The following WDFY3 variants were observed in gnomAD, a reference collection of about 807,000 sequenced individuals.
WDFY3 encodes WD repeat and FYVE domain containing 3.
WDFY3 carries 66 observed loss-of-function variants against 409.6 expected under a neutral mutation model. That is an observed-to-expected ratio of 0.16 (90% CI 0.13 to 0.20). The LOEUF (loss-of-function observed/expected upper bound fraction) is 0.20, where lower values mean the gene tolerates loss of function less well. Ranked by LOEUF, WDFY3 falls within the 10% of genes least tolerant of loss-of-function variation. The probability of loss-of-function intolerance (pLI) is 1.00; values close to 1 mark genes in which losing one functional copy is unlikely to be tolerated. For synonymous variants in WDFY3, 1,521 were observed against 1,537.1 expected (o/e 0.99, Z 0.25); for missense variants, 3,031 against 4,298.1 (o/e 0.71, Z 8.24).
chr4:84,951,565 A>G (rs1161820352), intron 1 of WDFY3, among the ~76,000 whole-genome samples: 1 of 152,228 alleles, frequency 6.6e-6, no homozygotes, highest in Non-Finnish European at 1.5e-5. Flanking sequence ...ATATATATCT[A>G]TATCTCAACA....
In WDFY3 at chr4:84,803,309, C is replaced by T. The variant is rs1388156272; in HGVS notation, c.2588G>A (p.Gly863Glu). The T allele has an allele frequency of 6.2e-7, 1 of 1,609,724 alleles. No homozygotes were observed. The highest frequency in any genetic ancestry group is 8.5e-7 in the Non-Finnish European group (1 of 1,178,664). The change falls in exon 16 of 68, where the codon GGG (glycine) becomes GAG (glutamate). Residue 863 changes from glycine to glutamate, a missense_variant. Gly to Glu is a moderately conservative substitution (Grantham distance 98). Transcript: ENST00000295888. ...GCTTACTTCTGGCTGTGTCACTGAC[C>T]CAACAGAGGCCAGTAGGTCCAGCAT... is the stretch of plus-strand genomic sequence containing the variant. Reference protein sequence around the residue: ...LAMLDLLASVGSVTQPEHALD... With the variant: ...LAMLDLLASVESVTQPEHALD...
At chr4:84,843,744 A>G (rs1164375568) in intron 5 of WDFY3, among the ~76,000 whole-genome samples, 1 of 152,162 alleles carries the variant, frequency 6.6e-6, no homozygotes, top group Non-Finnish European at 1.5e-5. Context: ...AGCTCATTTT[A>G]AAAGTATATA....
rs527822621 is a variant in WDFY3 at position 84,750,426 on chromosome 4, G to A, written c.5973+1057C>T. Among the ~76,000 whole-genome samples the A allele has an allele frequency of 4.0e-5, 6 of 151,548 alleles. No individual in the cohort carries two copies. The East Asian group carries it at 1.2e-3, about 30-fold the overall frequency. On this transcript the variant is annotated intron_variant, in intron 36 of 67. Transcript: ENST00000295888. ...AATAAGATAAACATGTGGTTTTCAGGTTTCTATTTATAAGTTAACTGTACT... is the reference window on the plus strand; with the variant it reads ...AATAAGATAAACATGTGGTTTTCAGATTTCTATTTATAAGTTAACTGTACT...
intron 3 of WDFY3, among the ~76,000 whole-genome samples, chr4:84,879,177 T>A (rs1390097781): frequency 6.6e-6 from 1 of 152,192 alleles, no homozygotes; most frequent in African/African-American, 2.4e-5. Flanking sequence ...CATCCCATGC[T>A]CATACCACAT....
chr4:84,704,413 G>A lies in WDFY3; in HGVS notation c.8367C>T (p.His2789=). Residue 2789 remains histidine (H), a synonymous_variant, in exon 55 of 68, where the codon CAC becomes CAT. Coordinates refer to ENST00000295888, the MANE Select transcript of WDFY3 (RefSeq NM_014991.6). ...GETPAYHYGT[H]YSSAMIVASY... ...AGGCCACAATCATTGCAGATGAATA[G>A]TGGGTCCCATAGTGGTATGCAGGAG... 6.2e-7 allele frequency: 1 copy of A among 1,613,086 alleles called. No homozygotes were observed. The highest frequency in any genetic ancestry group is 8.5e-7 in the Non-Finnish European group (1 of 1,179,528).
chr4:84,731,630 G>A (rs1006114637), intron 44 of WDFY3, among the ~76,000 whole-genome samples: 2 of 152,106 alleles, frequency 1.3e-5, no homozygotes, highest in African/African-American at 2.4e-5. Context: ...TGTCTGTTTC[G>A]ATTTCACAGG....
chr4:84,811,980 G>C (rs188341161), intron 13 of WDFY3, among the ~76,000 whole-genome samples: 1 of 152,068 alleles, frequency 6.6e-6, no homozygotes, highest in Non-Finnish European at 1.5e-5. Flanking sequence ...CATGAGGTCA[G>C]GTGTGGAATT....
intron 32 of WDFY3, among the ~76,000 whole-genome samples, chr4:84,762,268 G>A (rs1354707370): frequency 1.3e-5 from 2 of 151,784 alleles, no homozygotes; most frequent in Non-Finnish European, 2.9e-5. Context: ...ATACACCATA[G>A]AATACTATGC....
chr4:84,883,071 G>C (rs1050946081), intron 3 of WDFY3, among the ~76,000 whole-genome samples: 1 of 152,106 alleles, frequency 6.6e-6, no homozygotes, highest in Admixed American at 6.6e-5. Context: ...ATATTCTCAT[G>C]GCTGGGGGAA....
At chr4:84,844,120 C>T (rs775691926) in intron 5 of WDFY3, among the ~76,000 whole-genome samples, 10 of 152,094 alleles carry the variant, frequency 6.6e-5, no homozygotes, top group Non-Finnish European at 1.3e-4. Flanking sequence ...ATCTTAAATG[C>T]AATTTCTCAG....
chr4:84,690,695 T>G, intron 60 of WDFY3, 31 bp from the exon 61 acceptor site: 3 of 1,587,314 alleles, frequency 1.9e-6, no homozygotes, highest in Non-Finnish European at 2.6e-6. Context: ...GAGACACACA[T>G]GCCGTTAAGT....
Position 84,726,870 on chromosome 4 carries a change from A to G in WDFY3, c.7263T>C (p.Ile2421=). The G allele has an allele frequency of 1.9e-6, 3 of 1,607,944 alleles. No individual in the cohort carries two copies. Among genetic ancestry groups the G allele is most frequent in the Non-Finnish European group, 2.5e-6 (3 of 1,178,062 alleles). Residue 2421 remains isoleucine, a synonymous_variant, in exon 45 of 68, where the codon ATT becomes ATC. Transcript: ENST00000295888. ...GTAATTTGTGTTTTACCTTTTGAGG[A>G]ATATCATCGGGTGTCTCAGGCTGTT... ...PSKQPETPDD[I]PQKKPARYRR...
intron 3 of WDFY3, among the ~76,000 whole-genome samples, chr4:84,879,252 T>C (rs557347846): frequency 6.6e-6 from 1 of 152,302 alleles, no homozygotes; most frequent in South Asian, 2.1e-4. Context: ...TCCCAGATGG[T>C]CTTTGTTTGA....
At chr4:84,675,807 T>C (rs1726177883) in intron 67 of WDFY3, among the ~76,000 whole-genome samples, 1 of 152,212 alleles carries the variant, frequency 6.6e-6, no homozygotes, top group Non-Finnish European at 1.5e-5. Flanking sequence ...AAGTAACGAC[T>C]GTGGATGTGT....
Position 84,865,077 on chromosome 4 carries a change from C to T in WDFY3, c.-31-4455G>A, listed in dbSNP as rs540672564. 5.3e-5 allele frequency among the ~76,000 whole-genome samples: 8 copies of T among 152,060 alleles called. No homozygotes were observed. In the South Asian group the frequency reaches 6.2e-4, roughly 12 times the overall value. On this transcript the variant is annotated intron_variant, in intron 3 of 67. Transcript: ENST00000295888. ...CTAATTTTTGTATTTTTTGTAGAGA[C>T]ATGGTTTTGTCCTGTTGCCCAGACT...
chr4:84,950,989 A>G (rs1188559665), intron 1 of WDFY3, among the ~76,000 whole-genome samples: 1 of 152,224 alleles, frequency 6.6e-6, no homozygotes, highest in African/African-American at 2.4e-5. Context: ...TGAGAAACTC[A>G]CTTTTTCCAA....
chr4:84,884,451 G>A lies in WDFY3; in HGVS notation c.-32+12460C>T, dbSNP rs527453034. On this transcript the variant is annotated intron_variant, in intron 3 of 67. Transcript: ENST00000295888. ...AACTCATTTAATTTCAAATCCAGAT[G>A]TCTCCTGAAAAGCAAAATCTAACAC... Among the ~76,000 whole-genome samples, 12 of 151,950 alleles carry A rather than the reference G, an allele frequency of 7.9e-5. No individual in the cohort carries two copies. In the South Asian group the frequency reaches 2.5e-3, roughly 32 times the overall value.
chr4:84,709,377 C>A (rs754582345), intron 51 of WDFY3, 30 bp from the exon 52 acceptor site: 2 of 1,562,478 alleles, frequency 1.3e-6, no homozygotes, highest in Non-Finnish European at 1.7e-6. Context: ...CAATAAATTA[C>A]AAGCAATAAA....
At chr4:84,810,395 A>G (rs1158117190) in intron 13 of WDFY3, 51 bp from the exon 14 acceptor site, 3 of 1,408,398 alleles carry the variant, frequency 2.1e-6, no homozygotes, top group African/African-American at 1.5e-5. Context: ...ATTCAAAAAA[A>G]AAAAAAAACC....
Sources: allele counts gnomAD v4.1 joint callset (sites outside exome capture counted in the v4.1 genomes callset), GRCh38; gene constraint gnomAD v4.1.1; transcripts MANE v1.5; gene names NCBI Gene and HGNC (gene_info 2026-07-23, HGNC 2026-07-21).